PREX2: variants seen among roughly 807,000 people sequenced by gnomAD.
PREX2 encodes the protein phosphatidylinositol 3,4,5-trisphosphate-dependent Rac exchanger 2 protein.
A neutral mutation model predicts 203.2 loss-of-function variants in PREX2; 107 were observed. That is an observed-to-expected ratio of 0.53 (90% CI 0.45 to 0.62). PREX2 has a LOEUF of 0.62. PREX2 is among the 20% of genes least tolerant of loss of function. The pLI, the probability that PREX2 is intolerant of heterozygous loss-of-function variation, is 0.00. For synonymous variants in PREX2, 672 were observed against 663.6 expected, an observed-to-expected ratio of 1.01 and a Z score of -0.19; for missense variants, 1,777 against 1,955.9, an observed-to-expected ratio of 0.91 and a Z score of 1.72.
At chr8:68,049,991 G>A (rs751146074) in intron 8 of PREX2, among the ~76,000 whole-genome samples, 1 of 151,902 alleles carries the variant, frequency 6.6e-6, no homozygotes, top group African/African-American at 2.4e-5. Flanking sequence ...ATGCTATTAT[G>A]AAGTATGTAT....
At chr8:68,012,628 C>T (rs771272109) in intron 1 of PREX2, among the ~76,000 whole-genome samples, 1 of 152,178 alleles carries the variant, frequency 6.6e-6, no homozygotes, top group Non-Finnish European at 1.5e-5. Flanking sequence ...TTAGATACTA[C>T]TGGACTACTA....
At chr8:67,952,632 G>A (rs1417906346) in intron 1 of PREX2, 97 bp downstream of exon 1, 3 of 1,499,140 alleles carry the variant, frequency 2.0e-6, no homozygotes, top group East Asian at 4.9e-5. Context: ...GTCTGTGCGG[G>A]GACCCGGGAC....
chr8:68,223,123 G>T (rs370732307), intron 38 of PREX2, among the ~76,000 whole-genome samples: 2 of 152,150 alleles, frequency 1.3e-5, no homozygotes, highest in Non-Finnish European at 2.9e-5. Context: ...AACAAGATGC[G>T]CAGTTTAGTT....
At chr8:67,979,224 G>C (rs566986876) in intron 1 of PREX2, among the ~76,000 whole-genome samples, 1 of 152,236 alleles carries the variant, frequency 6.6e-6, no homozygotes, top group Admixed American at 6.5e-5. Context: ...AATTATGTTG[G>C]TGTGTACAAC....
At chr8:68,145,543 C>G (rs1388881007) in intron 33 of PREX2, among the ~76,000 whole-genome samples, 1 of 152,088 alleles carries the variant, frequency 6.6e-6, no homozygotes, top group Admixed American at 6.6e-5. Flanking sequence ...ACATTCTTTT[C>G]TAGTGAGACA....
rs934051204 is a variant in PREX2 at position 68,029,629 on chromosome 8, C to T, written c.544-868C>T. ...AGAAAATTCTTTTCAAGACTTGCCT[C>T]AGGATTTCTGTAATTGTGTTAGTTA... is the stretch of plus-strand genomic sequence containing the variant. On this transcript the variant is annotated intron_variant, in intron 5 of 39. Coordinates refer to ENST00000288368, the MANE Select transcript of PREX2 (RefSeq NM_024870.4). 3.4e-4 allele frequency among the ~76,000 whole-genome samples: 52 copies of T among 152,216 alleles called. 1 individual carries two copies. Among genetic ancestry groups the T allele is most frequent in the African/African-American group, 1.2e-3 (51 of 41,566 alleles).
intron 35 of PREX2, among the ~76,000 whole-genome samples, chr8:68,179,336 AT>A (rs139002746): frequency 1.1e-4 from 16 of 150,224 alleles, no homozygotes; most frequent in African/African-American, 2.9e-4. Context: ...ATAGGTTGGG[AT>A]TTTTTTTTTA....
At chr8:68,158,310 T>C (rs1003370292) in intron 35 of PREX2, among the ~76,000 whole-genome samples, 2 of 151,926 alleles carry the variant, frequency 1.3e-5, no homozygotes, top group South Asian at 2.1e-4. Context: ...AAAAATACTA[T>C]TTTGACATTT....
chr8:68,144,418 A>T (rs1811285975), intron 33 of PREX2, among the ~76,000 whole-genome samples: 1 of 152,142 alleles, frequency 6.6e-6, no homozygotes, highest in South Asian at 2.1e-4. Context: ...TATTAAAGTT[A>T]TACCTAAGTA....
At chr8:68,146,677 A>G (rs570943439) in intron 34 of PREX2, among the ~76,000 whole-genome samples, 1 of 152,150 alleles carries the variant, frequency 6.6e-6, no homozygotes, top group Non-Finnish European at 1.5e-5. Context: ...ATTTTATGAG[A>G]TAGAAAAAGT....
At position 68,232,591 on chromosome 8, in the gene PREX2, T is replaced by C. The variant is rs1181053153; in HGVS notation, c.*1213T>C. On this transcript the variant is annotated 3_prime_UTR_variant, in exon 40 of 40. Coordinates refer to ENST00000288368, the MANE Select transcript of PREX2 (RefSeq NM_024870.4). ...AATTTAGTATGTGAAATGCTTTTCA[T>C]ATCTAAATTATGTGCAAACTATTAT... 2.0e-5 allele frequency: 3 copies of C among 152,312 alleles called. No individual in the cohort carries two copies. The East Asian group carries it at 5.8e-4, about 29-fold the overall frequency. 9.4% of individuals were successfully genotyped at this position (152,312 alleles called of 1,614,324 possible).
chr8:68,110,124 C>G (rs1810508219), intron 25 of PREX2, among the ~76,000 whole-genome samples: 1 of 152,096 alleles, frequency 6.6e-6, no homozygotes, highest in Non-Finnish European at 1.5e-5. Flanking sequence ...GCCTGCTAAG[C>G]AATAACCCAA....
At chr8:68,186,221 A>G (rs1289494113) in intron 35 of PREX2, among the ~76,000 whole-genome samples, 2 of 152,160 alleles carry the variant, frequency 1.3e-5, no homozygotes, top group Non-Finnish European at 2.9e-5. Flanking sequence ...TTAAAAAATT[A>G]TTGGCTATTT....
intron 3 of PREX2, among the ~76,000 whole-genome samples, chr8:68,020,179 A>G (rs1443306438): frequency 1.3e-5 from 2 of 152,186 alleles, no homozygotes; most frequent in Non-Finnish European, 2.9e-5. Flanking sequence ...ATAACCAGCC[A>G]GTACTCAGTT....
chr8:68,120,631 G>T (rs929331468), intron 29 of PREX2, among the ~76,000 whole-genome samples: 4 of 152,126 alleles, frequency 2.6e-5, no homozygotes, highest in African/African-American at 9.7e-5. Flanking sequence ...AGGGTGTGGG[G>T]AATGAGAGTT....
At position 67,952,437 on chromosome 8, in the gene PREX2, A is replaced by G. The variant is rs1442864417; in HGVS notation, c.43A>G (p.Lys15Glu). The G allele has an allele frequency of 1.3e-6, 2 of 1,588,498 alleles. No homozygotes were observed. Among genetic ancestry groups the G allele is most frequent in the Non-Finnish European group, 1.7e-6 (2 of 1,168,334 alleles). Reference sequence around the variant, plus strand: ...CGGAGACAGCCGCGCCGAGAGCGCCAAGGACCTGGAGAAGCAGCTTCGCCT... The same window carrying G: ...CGGAGACAGCCGCGCCGAGAGCGCCGAGGACCTGGAGAAGCAGCTTCGCCT... ...SRGDSRAESA[K>E]DLEKQLRLRV... is the part of the protein sequence containing the mutation. The change falls in exon 1 of 40, where the codon AAG becomes GAG. Residue 15 changes from lysine (K) to glutamate (E), a missense_variant. By Grantham distance (56) the Lys-to-Glu change is moderately conservative. Coordinates refer to ENST00000288368, the MANE Select transcript of PREX2 (RefSeq NM_024870.4).
intron 10 of PREX2, among the ~76,000 whole-genome samples, chr8:68,056,562 C>T (rs1808685485): frequency 6.6e-6 from 1 of 152,006 alleles, no homozygotes; most frequent in African/African-American, 2.4e-5. Context: ...GATTCCCTGG[C>T]TGGTTTAATT....
chr8:68,070,118 C>A (rs1585756929), intron 13 of PREX2, among the ~76,000 whole-genome samples: 2 of 151,488 alleles, frequency 1.3e-5, no homozygotes, highest in Admixed American at 1.3e-4. Context: ...GCCATTAGTT[C>A]ATAGTAAATT....
rs1296181442 is a variant in PREX2 at position 68,069,857 on chromosome 8, T to C, written c.1466T>C (p.Leu489Pro). Residue 489 changes from leucine to proline, a missense_variant, in exon 13 of 40, where the codon CTT becomes CCT. Leu to Pro is a moderately conservative substitution (Grantham distance 98). Transcript: ENST00000288368. ...ISKGVRLYCRLHSLFTPVIRD... is the reference protein window; with the variant it reads ...ISKGVRLYCRPHSLFTPVIRD... ...TAGGGTGTAAGATTATATTGTCGTC[T>C]TCATAGCCTTTTTACTCCAGTGATA... The C allele has an allele frequency of 6.4e-7, 1 of 1,557,530 alleles. No individual in the cohort carries two copies. Among genetic ancestry groups the C allele is most frequent in the South Asian group, 1.2e-5 (1 of 86,196 alleles).
Sources: gnomAD v4.1 joint callset for allele counts (sites outside exome capture counted in the v4.1 genomes callset) on GRCh38, gnomAD v4.1.1 for gene constraint, MANE v1.5 for transcripts, NCBI Gene and HGNC (gene_info 2026-07-23, HGNC 2026-07-21) for gene names.